Variants in MSH5 observed in about 807,000 individuals in gnomAD.
MSH5 encodes the protein mutS protein homolog 5.
A neutral mutation model predicts 107.7 loss-of-function variants in MSH5; 78 were observed. The observed-to-expected ratio is 0.72, with a 90% CI of 0.60 to 0.87. The LOEUF (loss-of-function observed/expected upper bound fraction) is 0.87, where lower values mean the gene tolerates loss of function less well. Among genes scored for constraint, MSH5 ranks in the 40% least tolerant of loss-of-function variants. MSH5 has a pLI of 0.00. For missense variants in MSH5, 889 were observed against 1,046.6 expected, an observed-to-expected ratio of 0.85 and a Z score of 2.08; for synonymous variants, 326 against 399.5, an observed-to-expected ratio of 0.82 and a Z score of 2.19.
chr6:31,762,067 C>G, intron 23 of MSH5, 45 bp from the exon 24 acceptor site: 2 of 1,613,266 alleles, frequency 1.2e-6, no homozygotes, highest in Non-Finnish European at 1.7e-6. Flanking sequence ...TTCCCCTTCT[C>G]TTCCCCACTC....
At chr6:31,747,317 G>A (rs1809550288) in intron 9 of MSH5, 70 bp from the exon 10 acceptor site, 1 of 1,552,280 alleles carries the variant, frequency 6.4e-7, no homozygotes, top group African/African-American at 1.4e-5. Flanking sequence ...CCTCAGCTTA[G>A]ACACATAAAC....
chr6:31,753,598 C>G lies in MSH5; in HGVS notation c.983C>G (p.Thr328Ser). 6.2e-7 allele frequency: 1 copy of G among 1,614,154 alleles called. No homozygotes were observed. Among genetic ancestry groups the G allele is most frequent in the Non-Finnish European group, 8.5e-7 (1 of 1,180,026 alleles). The change falls in exon 12 of 25, where the codon ACC becomes AGC. Residue 328 changes from threonine (T) to serine (S), a missense_variant. Around this residue, in one of 3 missense-constraint regions of MSH5, gnomAD observed 518 missense variants for 565.0 expected, o/e 0.92. Coordinates refer to ENST00000375750, the MANE Select transcript of MSH5 (RefSeq NM_172166.4). Reference protein sequence around the residue: ...LILKRMKLSHTKVSDWQVLYK... With the variant: ...LILKRMKLSHSKVSDWQVLYK... ...CTGAAACGCATGAAGTTGTCCCACACCAAGGTCAGCGACTGGCAGGTTCTC... is the reference window on the plus strand; with the variant it reads ...CTGAAACGCATGAAGTTGTCCCACAGCAAGGTCAGCGACTGGCAGGTTCTC...
intron 12 of MSH5, chr6:31,757,927 C>G: frequency 1.8e-6 from 1 of 565,466 alleles, no homozygotes; most frequent in African/African-American, 1.9e-5. Flanking sequence ...ACCTCAGCCT[C>G]CCAAAGTGCT....
rs1808717884 is a variant in MSH5 at position 31,740,282 on chromosome 6, A to G, written c.-13-172A>G. The G allele has an allele frequency of 3.4e-6, 2 of 593,630 alleles. No homozygotes were observed. Among genetic ancestry groups the G allele is most frequent in the Non-Finnish European group, 5.8e-6 (2 of 347,672 alleles). The allele number at this position is 593,630 out of a possible 1,614,324, so 36.8% of individuals were successfully genotyped here. A position where few individuals can be genotyped will look rare whatever the true frequency, so the allele number is the denominator to read the frequency against. ...TGGAGTTTCCCACAATCTGTACTTT[A>G]GTTAAATACCCGAGAATTCACCTCC... On this transcript the variant is annotated intron_variant, in intron 1 of 24. Transcript: ENST00000375750. The surrounding 1 kb of genome is among the most constrained non-coding windows in gnomAD (Gnocchi z 4.4).
At chr6:31,745,494 T>G (rs1251082179) in intron 9 of MSH5, among the ~76,000 whole-genome samples, 175 bp downstream of exon 9, 1 of 151,790 alleles carries the variant, frequency 6.6e-6, no homozygotes, top group Non-Finnish European at 1.5e-5. Flanking sequence ...TTGAGCATCT[T>G]CCCATACTTT....
rs28381356 is a variant in MSH5, at chr6:31,743,803, G to A, written c.416-101G>A. The stretch of plus-strand genomic sequence containing the variant: ...CCATTAACTGCCTGTGTGAGCTTGG[G>A]CAAGTCAAATAATCTCTCTTGCTTC... On this transcript the variant is annotated intron_variant, in intron 5 of 24. Coordinates refer to ENST00000375750, the MANE Select transcript of MSH5 (RefSeq NM_172166.4). 5.9e-3 allele frequency: 8,898 copies of A among 1,513,966 alleles called. 125 individuals carry two copies. The highest frequency in any genetic ancestry group is 0.041 in the East Asian group (1,801 of 43,500). 93.8% of individuals were successfully genotyped at this position (1,513,966 alleles called of 1,614,324 possible). A position where few individuals can be genotyped will look rare whatever the true frequency, so the allele number is the denominator to read the frequency against.
Position 31,760,013 on chromosome 6 carries a change from G to A in MSH5, c.1685+38G>A, listed in dbSNP as rs922180677. 1.2e-6 allele frequency: 2 copies of A among 1,612,492 alleles called. No homozygotes were observed. Among genetic ancestry groups the A allele is most frequent in the Admixed American group, 3.3e-5 (2 of 59,912 alleles). On this transcript the variant is annotated intron_variant, in intron 18 of 24. Coordinates refer to ENST00000375750, the MANE Select transcript of MSH5 (RefSeq NM_172166.4). The surrounding 1 kb of genome is among the most constrained non-coding windows in gnomAD (Gnocchi z 5.6). The stretch of plus-strand genomic sequence containing the variant: ...GCGGGTGGAGGAATAGACATGAGGG[G>A]CCCAAAGGCTACATCTTCTGGGGGT...
In MSH5 at chr6:31,760,850, A is replaced by G. The variant is rs780140100; in HGVS notation, c.1962+11A>G. Reference sequence around the variant, plus strand: ...ATCGACCTCAACCAGGTCAAAGGGAACAAAGGGAGGTGGGATTGAGGAAGG... The same window carrying G: ...ATCGACCTCAACCAGGTCAAAGGGAGCAAAGGGAGGTGGGATTGAGGAAGG... On this transcript the variant is annotated intron_variant, in intron 20 of 24. Transcript: ENST00000375750. The surrounding 1 kb of genome is among the most constrained non-coding windows in gnomAD (Gnocchi z 5.6). The G allele has an allele frequency of 6.2e-7, 1 of 1,610,330 alleles. No homozygotes were observed. Among genetic ancestry groups the G allele is most frequent in the South Asian group, 1.1e-5 (1 of 90,882 alleles).
In MSH5 at chr6:31,762,646, C is replaced by A. The variant is rs1811127962; in HGVS notation, c.*115C>A. On this transcript the variant is annotated 3_prime_UTR_variant, in exon 25 of 25. Coordinates refer to ENST00000375750, the MANE Select transcript of MSH5 (RefSeq NM_172166.4). ...TTTAGTTTCTCTAGAAATTTTGTTT[C>A]ATATTAGGAATAAAGTTTATTTTGA... 1 of 650,110 alleles carries A rather than the reference C, an allele frequency of 1.5e-6. No homozygotes were observed. Among genetic ancestry groups the A allele is most frequent in the East Asian group, 2.7e-5 (1 of 37,408 alleles). 40.3% of individuals were successfully genotyped at this position (650,110 alleles called of 1,614,324 possible). A position where few individuals can be genotyped will look rare whatever the true frequency, so the allele number is the denominator to read the frequency against.
At chr6:31,745,103 CAAAAAAA>C (rs9279403) in intron 8 of MSH5, 127 bp from the exon 9 acceptor site, 542 of 359,042 alleles carry the variant, frequency 1.5e-3, no homozygotes, top group East Asian at 3.5e-3. Flanking sequence ...GACTCCATCT[CAAAAAAA>C]AAAAAAAAAA....
intron 9 of MSH5, 76 bp downstream of exon 9, chr6:31,745,395 G>C: frequency 9.9e-7 from 1 of 1,011,994 alleles, no homozygotes; most frequent in Admixed American, 1.9e-5. Context: ...ATGTGTCCCA[G>C]CCTCCCTTCC....
chr6:31,760,112 GC>G lies in MSH5; in HGVS notation c.1711del (p.Arg571GlufsTer35). ...NGRHPLMELC[A>X]RTFVPNSTEC... is the part of the protein sequence containing the mutation. ...CAGACATCCTCTGATGGAACTCTGTGCCCGAACCTTTGTGCCCAACTCCACA... is the reference window on the plus strand; with the variant it reads ...CAGACATCCTCTGATGGAACTCTGTGCCGAACCTTTGTGCCCAACTCCACA... On this transcript the variant is annotated frameshift_variant, in exon 19 of 25. Coordinates refer to ENST00000375750, the MANE Select transcript of MSH5 (RefSeq NM_172166.4). LOFTEE classifies it high-confidence loss of function. The surrounding 1 kb of genome is among the most constrained non-coding windows in gnomAD (Gnocchi z 5.6). 6.2e-7 allele frequency: 1 copy of G among 1,605,466 alleles called. No individual in the cohort carries two copies. The highest frequency in any genetic ancestry group is 1.1e-5 in the South Asian group (1 of 89,336).
At chr6:31,742,252 GGTTT>G (rs1469754280) in intron 3 of MSH5, among the ~76,000 whole-genome samples, 2 of 151,980 alleles carry the variant, frequency 1.3e-5, no homozygotes, top group Non-Finnish European at 2.9e-5. Flanking sequence ...GCTGTTTTTT[GGTTT>G]GTTTGGTTGT....
chr6:31,756,006 T>C (rs1478391577), intron 12 of MSH5, among the ~76,000 whole-genome samples: 1 of 152,094 alleles, frequency 6.6e-6, no homozygotes, highest in Non-Finnish European at 1.5e-5. Context: ...ATAGTTTCTG[T>C]AAATTAATAT....
intron 5 of MSH5, 132 bp downstream of exon 5, chr6:31,743,302 T>C (rs921882816): frequency 1.1e-6 from 1 of 913,420 alleles, no homozygotes; most frequent in Non-Finnish European, 1.8e-6. Flanking sequence ...TCATGCCCTA[T>C]GACCTGTCCC....
rs1158900357 is a variant in MSH5, at chr6:31,759,128, C to T, written c.1358C>T (p.Pro453Leu). The change falls in exon 16 of 25, where the codon CCT (proline) becomes CTT (leucine). Residue 453 changes from proline (P) to leucine (L), a missense_variant. By Grantham distance (98) the Pro-to-Leu change is moderately conservative (BLOSUM62 -3). Coordinates refer to ENST00000375750, the MANE Select transcript of MSH5 (RefSeq NM_172166.4). The surrounding 1 kb of genome is among the most constrained non-coding windows in gnomAD (Gnocchi z 4.7). ...IGFLLSIPRL[P>L]SMVEASDFEI... ...TTCCTTCTTTCTATTCCCCGCCTGC[C>T]TTCCATGGTAGAGGCCAGTGACTTT... is the stretch of plus-strand genomic sequence containing the variant. 6.2e-7 allele frequency: 1 copy of T among 1,613,002 alleles called. No individual in the cohort carries two copies. Among genetic ancestry groups the T allele is most frequent in the Non-Finnish European group, 8.5e-7 (1 of 1,180,028 alleles).
chr6:31,751,217 TG>T (rs1809928264), intron 10 of MSH5, among the ~76,000 whole-genome samples: 1 of 152,136 alleles, frequency 6.6e-6, no homozygotes, highest in African/African-American at 2.4e-5. Flanking sequence ...AGGATGGTCT[TG>T]ATCTCCTGAC....
In MSH5 at chr6:31,760,733, CA is replaced by C. The variant is rs1562249204; in HGVS notation, c.1857del (p.Ala620GlnfsTer9). On this transcript the variant is annotated frameshift_variant, in exon 20 of 25. Coordinates refer to ENST00000375750, the MANE Select transcript of MSH5 (RefSeq NM_172166.4). LOFTEE classifies it high-confidence loss of function. The surrounding 1 kb of genome is among the most constrained non-coding windows in gnomAD (Gnocchi z 5.6). ...TFMALVGSFV[P>X]AEEAEIGAVD... ...ATGGCCCTGGTAGGCAGCTTTGTGC[CA>C]GCAGAGGAGGCCGAAATTGGGGCAG... The C allele has an allele frequency of 1.2e-6, 2 of 1,613,042 alleles. No individual in the cohort carries two copies. Among genetic ancestry groups the C allele is most frequent in the Non-Finnish European group, 1.7e-6 (2 of 1,180,042 alleles).
rs1256170429 is a variant in MSH5, at chr6:31,758,212, G to A, written c.1062G>A (p.Pro354=). 10 of 1,612,880 alleles carry A rather than the reference G, an allele frequency of 6.2e-6. No individual in the cohort carries two copies. The highest frequency in any genetic ancestry group is 1.6e-4 in the Middle Eastern group (1 of 6,080). ...TGAGGGATGCCTGCCGCTCCCTGCC[G>A]CAGTCCATCCAGCTCTTTCGGGACA... The part of the protein sequence containing the change: ...LGLRDACRSL[P]QSIQLFRDIA... The change falls in exon 13 of 25, where the codon CCG becomes CCA. Residue 354 remains proline (P), a synonymous_variant. Coordinates refer to ENST00000375750, the MANE Select transcript of MSH5 (RefSeq NM_172166.4). The surrounding 1 kb of genome is among the most constrained non-coding windows in gnomAD (Gnocchi z 5.1).
Sources: gnomAD v4.1 joint callset for allele counts (sites outside exome capture counted in the v4.1 genomes callset) on GRCh38, gnomAD v4.1.1 for gene constraint, gnomAD v4.1.1 regional missense constraint, Gnocchi (gnomAD v3.1) non-coding constraint, MANE v1.5 for transcripts, NCBI Gene and HGNC (gene_info 2026-07-23, HGNC 2026-07-21) for gene names.